KLF18: variants seen among roughly 807,000 people sequenced by gnomAD.
KLF18 encodes the protein Kruppel-like factor 18.
rs1420057969 is a variant in KLF18 at position 44,138,723 on chromosome 1, T to G, written c.2909A>C (p.Asp970Ala). The change falls in exon 1 of 2, where the codon GAC becomes GCC. Residue 970 changes from aspartate (D) to alanine (A), a missense_variant. Coordinates refer to ENST00000634670, the MANE Select transcript of KLF18 (RefSeq NM_001358438.1). ...VSRPYVCTYEDCKMSYSKACH... is the reference protein window; with the variant it reads ...VSRPYVCTYEACKMSYSKACH... ...AGCCTTTGAATAAGACATCTTGCAG[T>G]CCTCGTAAGTGCAGACATAGGGCCT... 7.5e-6 allele frequency: 3 copies of G among 398,476 alleles called. No individual in the cohort carries two copies. Among genetic ancestry groups the G allele is most frequent in the African/African-American group, 2.1e-5 (1 of 48,600 alleles). 24.7% of individuals were successfully genotyped at this position (398,476 alleles called of 1,614,324 possible).
rs1193358633 is a variant in KLF18, at chr1:44,140,102, G to T, written c.1530C>A (p.Asn510Lys). The T allele has an allele frequency of 2.6e-5, 10 of 391,802 alleles. No homozygotes were observed. The highest frequency in any genetic ancestry group is 4.5e-5 in the Non-Finnish European group (10 of 224,510). The allele number at this position is 391,802 out of a possible 1,614,324, so 24.3% of individuals were successfully genotyped here. Residue 510 changes from asparagine (N) to lysine (K), a missense_variant, in exon 1 of 2, where the codon AAC (asparagine) becomes AAA (lysine). Transcript: ENST00000634670. Reference sequence around the variant, plus strand: ...TCATCTGCTCTCCACAGAGGTTCTGGTTACCAGTGGAGGTCATCATCTGCC... The same window carrying T: ...TCATCTGCTCTCCACAGAGGTTCTGTTTACCAGTGGAGGTCATCATCTGCC... ...YWGQMMTSTG[N>K]QNLCGEQMTT...
At position 44,139,522 on chromosome 1, in the gene KLF18, T is replaced by C. The variant is rs1055805015; in HGVS notation, c.2110A>G (p.Thr704Ala). 3 of 385,774 alleles carry C rather than the reference T, an allele frequency of 7.8e-6. No individual in the cohort carries two copies. Among genetic ancestry groups the C allele is most frequent in the African/African-American group, 6.6e-5 (3 of 45,594 alleles). 23.9% of individuals were successfully genotyped at this position (385,774 alleles called of 1,614,324 possible). The change falls in exon 1 of 2, where the codon ACT (threonine) becomes GCT (alanine). Residue 704 changes from threonine (T) to alanine (A), a missense_variant. Physicochemically the swap from Thr to Ala is moderately conservative, Grantham distance 58. Transcript: ENST00000634670. ...TCCCCACAGAGGGTCTGGTTACTAG[T>C]GGAGGTCGTCGTCTGCTCTCCACAG... ...TLCGEQTTTS[T>A]SNQTLCGEQV...
Position 44,139,970 on chromosome 1 carries a change from G to T in KLF18, c.1662C>A (p.Thr554=). 1 of 386,920 alleles carries T rather than the reference G, an allele frequency of 2.6e-6. No individual in the cohort carries two copies. The highest frequency in any genetic ancestry group is 3.7e-5 in the East Asian group (1 of 27,336). The allele number at this position is 386,920 out of a possible 1,614,324, so 24.0% of individuals were successfully genotyped here. ...EQMTTPTSNQ[T]LCGEQVTTST... is the part of the protein sequence containing the mutation. ...AGGTCGTCACCTGCTCCCCACAGAG[G>T]GTCTGGTTACTAGTGGGGGTCGTCA... The change falls in exon 1 of 2, where the codon ACC becomes ACA. Residue 554 remains threonine, a synonymous_variant. Coordinates refer to ENST00000634670, the MANE Select transcript of KLF18 (RefSeq NM_001358438.1).
rs1571999520 is a variant in KLF18, at chr1:44,139,323, A to C, written c.2309T>G (p.Met770Arg). ...TGNQALYGGQ[M>R]TTSTSNQTLC... ...GGTCTGGTTACTAGTAGAGGTCGTC[A>C]TCTGCCCCCCGTAGAGGGCCTGGTT... Residue 770 changes from methionine (M) to arginine (R), a missense_variant, in exon 1 of 2, where the codon ATG (methionine) becomes AGG (arginine). Physicochemically the swap from Met to Arg is moderately conservative, Grantham distance 91. Transcript: ENST00000634670. 1 of 340,590 alleles carries C rather than the reference A, an allele frequency of 2.9e-6. No individual in the cohort carries two copies. Among genetic ancestry groups the C allele is most frequent in the East Asian group, 4.4e-5 (1 of 22,794 alleles). The allele number at this position is 340,590 out of a possible 1,614,324, so 21.1% of individuals were successfully genotyped here.
rs1643241196 is a variant in KLF18 at position 44,141,614 on chromosome 1, G to C, written c.18C>G (p.Leu6=). The change falls in exon 1 of 2, where the codon CTC becomes CTG. Residue 6 remains leucine (L), a synonymous_variant. Transcript: ENST00000634670. ...ATTTCTCAATTTCCTCAATTGCCTGGAGAAGACTGGAATCCATCTCTTTGA... is the reference window on the plus strand; with the variant it reads ...ATTTCTCAATTTCCTCAATTGCCTGCAGAAGACTGGAATCCATCTCTTTGA... MDSSL[L]QAIEEIEKFF... is the part of the protein sequence containing the mutation. 2.5e-6 allele frequency: 1 copy of C among 398,584 alleles called. No homozygotes were observed. The allele number at this position is 398,584 out of a possible 1,614,324, so 24.7% of individuals were successfully genotyped here.
Position 44,138,817 on chromosome 1 carries a change from A to G in KLF18, c.2815T>C (p.Leu939=). 2.5e-6 allele frequency: 1 copy of G among 398,662 alleles called. No homozygotes were observed. 24.7% of individuals were successfully genotyped at this position (398,662 alleles called of 1,614,324 possible). A position where few individuals can be genotyped will look rare whatever the true frequency, so the allele number is the denominator to read the frequency against. The change falls in exon 1 of 2, where the codon TTG becomes CTG. Residue 939 remains leucine (L), a synonymous_variant. Coordinates refer to ENST00000634670, the MANE Select transcript of KLF18 (RefSeq NM_001358438.1). ...TGTTTTGGGAGTTGTCCTTGAATCAAATGGGAACTTGAAAAGCATAGGAAT... is the reference window on the plus strand; with the variant it reads ...TGTTTTGGGAGTTGTCCTTGAATCAGATGGGAACTTGAAAAGCATAGGAAT... ...PGFLCFSSSH[L]IQGQLPKQKT...
intron 1 of KLF18, 93 bp downstream of exon 1, chr1:44,138,571 C>T (rs1001000060): frequency 2.0e-5 from 8 of 397,350 alleles, no homozygotes; most frequent in Non-Finnish European, 3.5e-5. Flanking sequence ...TTTTGAATCC[C>T]TGGCTTAAAG....
Position 44,140,246 on chromosome 1 carries a change from C to T in KLF18, c.1386G>A (p.Thr462=), listed in dbSNP as rs910015525. The stretch of plus-strand genomic sequence containing the variant: ...GGGTCTGGTTACTAGTGGAGGTCGT[C>T]GTCTGCTCTCCACAGAGGGTCTGGT... ...TSNQTLCGEQ[T]TTSTSNQTLC... is the part of the protein sequence containing the mutation. The change falls in exon 1 of 2, where the codon ACG becomes ACA. Residue 462 remains threonine, a synonymous_variant. Coordinates refer to ENST00000634670, the MANE Select transcript of KLF18 (RefSeq NM_001358438.1). The T allele has an allele frequency of 1.3e-5, 5 of 395,984 alleles. No homozygotes were observed. The highest frequency in any genetic ancestry group is 2.6e-4 in the South Asian group (2 of 7,686). The allele number at this position is 395,984 out of a possible 1,614,324, so 24.5% of individuals were successfully genotyped here.
In KLF18 at chr1:44,139,597, G is replaced by C; in HGVS notation, c.2035C>G (p.Gln679Glu). The change falls in exon 1 of 2, where the codon CAG becomes GAG. Residue 679 changes from glutamine (Q) to glutamate (E), a missense_variant. Gln to Glu is a conservative substitution (Grantham distance 29). Coordinates refer to ENST00000634670, the MANE Select transcript of KLF18 (RefSeq NM_001358438.1). ...GEQMTTSTGN[Q>E]ALYGGQMTTS... ...GTCATCTGCCCCCCGTAGAGGGCCT[G>C]GTTACCAGTGGAGGTTGTCATCTGC... The C allele has an allele frequency of 2.5e-6, 1 of 398,034 alleles. No individual in the cohort carries two copies. The highest frequency in any genetic ancestry group is 4.4e-6 in the Non-Finnish European group (1 of 226,188). 24.7% of individuals were successfully genotyped at this position (398,034 alleles called of 1,614,324 possible). A position where few individuals can be genotyped will look rare whatever the true frequency, so the allele number is the denominator to read the frequency against.
At position 44,140,045 on chromosome 1, in the gene KLF18, C is replaced by G. The variant is rs1433853893; in HGVS notation, c.1587G>C (p.Gly529=). ...TACTAGTAGAGGTTGTCATCTGCCC[C>G]CCGTAGAGGGCCTGGTTACCAGTGG... The part of the protein sequence containing the change: ...TTSTGNQALY[G]GQMTTSTSNQ... Residue 529 remains glycine (G), a synonymous_variant, in exon 1 of 2, where the codon GGG becomes GGC. Coordinates refer to ENST00000634670, the MANE Select transcript of KLF18 (RefSeq NM_001358438.1). 5.2e-6 allele frequency: 2 copies of G among 382,478 alleles called. No individual in the cohort carries two copies. Among genetic ancestry groups the G allele is most frequent in the Admixed American group, 5.0e-5 (1 of 20,134 alleles). The allele number at this position is 382,478 out of a possible 1,614,324, so 23.7% of individuals were successfully genotyped here.
chr1:44,138,825 C>T lies in KLF18; in HGVS notation c.2807G>A (p.Ser936Asn). The T allele has an allele frequency of 2.5e-6, 1 of 398,644 alleles. No homozygotes were observed. Among genetic ancestry groups the T allele is most frequent in the Non-Finnish European group, 4.4e-6 (1 of 226,086 alleles). The allele number at this position is 398,644 out of a possible 1,614,324, so 24.7% of individuals were successfully genotyped here. A position where few individuals can be genotyped will look rare whatever the true frequency, so the allele number is the denominator to read the frequency against. The change falls in exon 1 of 2, where the codon AGT (serine) becomes AAT (asparagine). Residue 936 changes from serine (S) to asparagine (N), a missense_variant. Coordinates refer to ENST00000634670, the MANE Select transcript of KLF18 (RefSeq NM_001358438.1). ...GAGTTGTCCTTGAATCAAATGGGAA[C>T]TTGAAAAGCATAGGAATCCTGGGTA... ...LPYPGFLCFS[S>N]SHLIQGQLPK...
chr1:44,141,129 A>G lies in KLF18; in HGVS notation c.503T>C (p.Leu168Pro), dbSNP rs1643236537. The change falls in exon 1 of 2, where the codon CTT becomes CCT. Residue 168 changes from leucine to proline, a missense_variant. Transcript: ENST00000634670. The part of the protein sequence containing the change: ...TLNESQIPAL[L>P]GDQMKTLSDN... ...ACTGAGGGTCTTCATCTGATCTCCAAGCAGGGCTGGTATCTGACTCTCATT... is the reference window on the plus strand; with the variant it reads ...ACTGAGGGTCTTCATCTGATCTCCAGGCAGGGCTGGTATCTGACTCTCATT... The G allele has an allele frequency of 2.5e-6, 1 of 398,448 alleles. No individual in the cohort carries two copies. Among genetic ancestry groups the G allele is most frequent in the Non-Finnish European group, 4.4e-6 (1 of 226,114 alleles). 24.7% of individuals were successfully genotyped at this position (398,448 alleles called of 1,614,324 possible).
chr1:44,137,834 C>T lies in KLF18; in HGVS notation c.3146G>A (p.Arg1049His), dbSNP rs2429060. The T allele has an allele frequency of 0.37, 146,688 of 398,284 alleles. 29,555 individuals carry two copies. The highest frequency in any genetic ancestry group is 0.65 in the African/African-American group (31,813 of 48,652). The allele number at this position is 398,284 out of a possible 1,614,324, so 24.7% of individuals were successfully genotyped here. The change falls in exon 2 of 2, where the codon CGC becomes CAC. Residue 1049 changes from arginine (R) to histidine (H), a missense_variant. Arg to His is a conservative substitution (Grantham distance 29). Transcript: ENST00000634670. Reference sequence around the variant, plus strand: ...GGGCTGAAGGGTTCATAATCCTGGGCGAATGTTGTGGACCTTTGCATGCTG... The same window carrying T: ...GGGCTGAAGGGTTCATAATCCTGGGTGAATGTTGTGGACCTTTGCATGCTG... ...LKQHAKVHNI[R>H]PGL
Position 44,140,745 on chromosome 1 carries a change from G to T in KLF18, c.887C>A (p.Thr296Asn). The T allele has an allele frequency of 1.0e-5, 4 of 398,478 alleles. No homozygotes were observed. Among genetic ancestry groups the T allele is most frequent in the Non-Finnish European group, 1.8e-5 (4 of 226,132 alleles). The allele number at this position is 398,478 out of a possible 1,614,324, so 24.7% of individuals were successfully genotyped here. ...NQTLCGEQMT[T>N]STSNQTLCGE... ...ACAGAGGGTCTGGTTACTAGTGGAG[G>T]TTGTCATCTGCTCTCCACAGAGGGT... The change falls in exon 1 of 2, where the codon ACC (threonine) becomes AAC (asparagine). Residue 296 changes from threonine (T) to asparagine (N), a missense_variant. Physicochemically the swap from Thr to Asn is moderately conservative, Grantham distance 65. Transcript: ENST00000634670.
At position 44,139,167 on chromosome 1, in the gene KLF18, C is replaced by T. The variant is rs1643202218; in HGVS notation, c.2465G>A (p.Cys822Tyr). 7.7e-6 allele frequency: 3 copies of T among 388,228 alleles called. No individual in the cohort carries two copies. The allele number at this position is 388,228 out of a possible 1,614,324, so 24.0% of individuals were successfully genotyped here. Reference sequence around the variant, plus strand: ...AGTGGAGGTCGTCATCTGCTCTCCACAGAGGGTCTGGTTACTAGTGGAGGT... The same window carrying T: ...AGTGGAGGTCGTCATCTGCTCTCCATAGAGGGTCTGGTTACTAGTGGAGGT... ...ITTSTSNQTL[C>Y]GEQMTTSTSN... Residue 822 changes from cysteine (C) to tyrosine (Y), a missense_variant, in exon 1 of 2, where the codon TGT becomes TAT. Coordinates refer to ENST00000634670, the MANE Select transcript of KLF18 (RefSeq NM_001358438.1).
intron 1 of KLF18, 35 bp from the exon 2 acceptor site, chr1:44,138,046 A>T (rs1321532497): frequency 2.5e-6 from 1 of 398,588 alleles, no homozygotes; most frequent in Non-Finnish European, 4.4e-6. Context: ...CCTGTCATAC[A>T]TCAGGGTGAG....
At position 44,140,607 on chromosome 1, in the gene KLF18, T is replaced by C. The variant is rs1428682027; in HGVS notation, c.1025A>G (p.Asn342Ser). Residue 342 changes from asparagine (N) to serine (S), a missense_variant, in exon 1 of 2, where the codon AAC (asparagine) becomes AGC (serine). Coordinates refer to ENST00000634670, the MANE Select transcript of KLF18 (RefSeq NM_001358438.1). The part of the protein sequence containing the change: ...YGGQMMTSTG[N>S]QTLYWGQMMT... ...CATCTGCCCCCAGTAGAGGGTCTGGTTACCAGTGGAGGTCATCATCTGCCC... is the reference window on the plus strand; with the variant it reads ...CATCTGCCCCCAGTAGAGGGTCTGGCTACCAGTGGAGGTCATCATCTGCCC... The C allele has an allele frequency of 9.1e-6, 3 of 329,952 alleles. No homozygotes were observed. Among genetic ancestry groups the C allele is most frequent in the African/African-American group, 7.0e-5 (2 of 28,698 alleles). 20.4% of individuals were successfully genotyped at this position (329,952 alleles called of 1,614,324 possible).
In KLF18 at chr1:44,137,994, A is replaced by G. The variant is rs1221102040; in HGVS notation, c.2986T>C (p.Cys996Arg). The G allele has an allele frequency of 5.0e-6, 2 of 398,666 alleles. No individual in the cohort carries two copies. Among genetic ancestry groups the G allele is most frequent in the Non-Finnish European group, 4.4e-6 (1 of 226,198 alleles). The allele number at this position is 398,666 out of a possible 1,614,324, so 24.7% of individuals were successfully genotyped here. Reference protein sequence around the residue: ...RKHTGEKPYVCDVEGCTWKFA... With the variant: ...RKHTGEKPYVRDVEGCTWKFA... ...TTCCACGTACATCCCTCTACATCGC[A>G]TACATAGGGCTTCTCCCCTGGACCA... Residue 996 changes from cysteine (C) to arginine (R), a missense_variant, in exon 2 of 2, where the codon TGC becomes CGC. Cys to Arg is a radical substitution (Grantham distance 180, BLOSUM62 -3). Transcript: ENST00000634670.
rs1557736785 is a variant in KLF18 at position 44,138,959 on chromosome 1, G to A, written c.2673C>T (p.Leu891=). The A allele has an allele frequency of 2.5e-6, 1 of 398,790 alleles. No individual in the cohort carries two copies. The highest frequency in any genetic ancestry group is 3.6e-5 in the East Asian group (1 of 28,084). The allele number at this position is 398,790 out of a possible 1,614,324, so 24.7% of individuals were successfully genotyped here. ...QMATYSGNQT[L]YGDQMLTLQV... is the part of the protein sequence containing the mutation. Reference sequence around the variant, plus strand: ...GAAGAGTCAGCATCTGGTCCCCATAGAGGGTCTGGTTGCCACTATATGTTG... The same window carrying A: ...GAAGAGTCAGCATCTGGTCCCCATAAAGGGTCTGGTTGCCACTATATGTTG... Residue 891 remains leucine, a synonymous_variant, in exon 1 of 2, where the codon CTC becomes CTT. Transcript: ENST00000634670.
Sources: gnomAD v4.1 joint callset for allele counts on GRCh38, gnomAD v4.1.1 for gene constraint, MANE v1.5 for transcripts, NCBI Gene and HGNC (gene_info 2026-07-23, HGNC 2026-07-21) for gene names.